Variants in FRK observed in about 807,000 individuals in gnomAD.
FRK encodes fyn related Src family tyrosine kinase, also known as tyrosine-protein kinase FRK.
FRK carries 51 observed loss-of-function variants against 56.4 expected under a neutral mutation model. That is an observed-to-expected ratio of 0.90 (90% CI 0.72 to 1.14). FRK has a LOEUF of 1.14. Ranked by LOEUF, FRK falls within the 50% of genes most tolerant of loss-of-function variation. The pLI is 0.00. For synonymous variants in FRK, 245 were observed against 217.9 expected, an observed-to-expected ratio of 1.12 and a Z score of -1.10; for missense variants, 570 against 601.4, an observed-to-expected ratio of 0.95 and a Z score of 0.55.
Position 115,981,390 on chromosome 6 carries a change from G to A in FRK, c.467-12651C>T, listed in dbSNP as rs1031714258. On this transcript the variant is annotated intron_variant, in intron 2 of 7. Coordinates refer to ENST00000606080, the MANE Select transcript of FRK (RefSeq NM_002031.3). ...TACACCGTTAGTTGTTTTCAGAGCT[G>A]GAATCTAAGTCTAGCCATATGAGTG... 3.8e-4 allele frequency among the ~76,000 whole-genome samples: 57 copies of A among 151,846 alleles called. 2 individuals are homozygous for A. Among genetic ancestry groups the A allele is most frequent in the Admixed American group, 3.7e-3 (57 of 15,214 alleles).
At chr6:116,088,959 C>A in the FRK span, among the ~76,000 whole-genome samples, 1 of 152,168 alleles carries the variant, frequency 6.6e-6, no homozygotes, top group Non-Finnish European at 1.5e-5. Context: ...GAAATATGTT[C>A]ATATTTGGCA....
chr6:115,981,317 AT>A, intron 2 of FRK, among the ~76,000 whole-genome samples: 1 of 151,918 alleles, frequency 6.6e-6, no homozygotes. Context: ...AGATGGTTTA[AT>A]TTTTTTTCTT....
At chr6:115,986,871 G>A (rs1200358154) in intron 2 of FRK, among the ~76,000 whole-genome samples, 1 of 152,060 alleles carries the variant, frequency 6.6e-6, no homozygotes, top group Non-Finnish European at 1.5e-5. Context: ...TCTGCTCTGT[G>A]GGCATCCCTT....
At chr6:116,096,917 A>C in the FRK span, among the ~76,000 whole-genome samples, 1 of 152,202 alleles carries the variant, frequency 6.6e-6, no homozygotes, top group Non-Finnish European at 1.5e-5. Context: ...AAAGTCAGTG[A>C]GACCAAGAAC....
At chr6:116,073,912 G>A in the FRK span, among the ~76,000 whole-genome samples, 1 of 152,126 alleles carries the variant, frequency 6.6e-6, no homozygotes, top group Non-Finnish European at 1.5e-5. Context: ...TCTGGCTCCT[G>A]GCTGCTGCCA....
intron 1 of FRK, among the ~76,000 whole-genome samples, chr6:116,034,062 G>A (rs1776385755): frequency 1.3e-5 from 2 of 152,126 alleles, no homozygotes; most frequent in African/African-American, 4.8e-5. Context: ...TGTTGACAGA[G>A]CTGGGGTAAC....
At chr6:115,988,135 A>G (rs1346423038) in intron 2 of FRK, among the ~76,000 whole-genome samples, 1 of 152,100 alleles carries the variant, frequency 6.6e-6, no homozygotes, top group African/African-American at 2.4e-5. Context: ...ATTTTCTAAT[A>G]ATATAATGCA....
chr6:116,073,756 T>C, the FRK span, among the ~76,000 whole-genome samples: 1 of 152,198 alleles, frequency 6.6e-6, no homozygotes, highest in Non-Finnish European at 1.5e-5. Context: ...TAAAATGTGC[T>C]CATAAGTATT....
chr6:115,989,063 C>T (rs1318505107), intron 2 of FRK, among the ~76,000 whole-genome samples: 4 of 151,740 alleles, frequency 2.6e-5, no homozygotes, highest in Admixed American at 1.3e-4. Flanking sequence ...CATGATATCT[C>T]GGTCTGAGAA....
Position 115,942,560 on chromosome 6 carries a change from A to C in FRK, c.1372T>G (p.Cys458Gly), listed in dbSNP as rs772727266. The C allele has an allele frequency of 6.2e-7, 1 of 1,613,842 alleles. No individual in the cohort carries two copies. Among genetic ancestry groups the C allele is most frequent in the Admixed American group, 1.7e-5 (1 of 59,960 alleles). Reference sequence around the variant, plus strand: ...ATGATGTTGTAAAATTGCTGTGGACAGTTGGATGGTTGCGGAAGTCTATAG... The same window carrying C: ...ATGATGTTGTAAAATTGCTGTGGACCGTTGGATGGTTGCGGAAGTCTATAG... ...QNYRLPQPSN[C>G]PQQFYNIMLE... The change falls in exon 8 of 8, where the codon TGT becomes GGT. Residue 458 changes from cysteine to glycine, a missense_variant. Cys to Gly is a radical substitution (Grantham distance 159). Transcript: ENST00000606080.
the FRK span, among the ~76,000 whole-genome samples, chr6:116,075,457 A>T: frequency 2.7e-5 from 3 of 111,568 alleles, no homozygotes; most frequent in South Asian, 8.3e-4. Flanking sequence ...TAAGCTTAAG[A>T]GCTGGGGGAA....
chr6:116,039,896 G>A (rs1364551389), intron 1 of FRK, among the ~76,000 whole-genome samples: 1 of 150,454 alleles, frequency 6.6e-6, no homozygotes, highest in Non-Finnish European at 1.5e-5. Context: ...GCCTGTGTGT[G>A]CTGTGTATGT....
intron 2 of FRK, among the ~76,000 whole-genome samples, chr6:115,982,215 T>C (rs1774223933): frequency 6.6e-6 from 1 of 152,126 alleles, no homozygotes; most frequent in African/African-American, 2.4e-5. Flanking sequence ...CCTGCACTTG[T>C]ACATCACAGC....
chr6:115,968,020 T>A (rs1023585979), intron 3 of FRK, among the ~76,000 whole-genome samples: 1 of 152,140 alleles, frequency 6.6e-6, no homozygotes, highest in Non-Finnish European at 1.5e-5. Context: ...TTCGCCTAGC[T>A]AAATCCTCTC....
intron 2 of FRK, among the ~76,000 whole-genome samples, chr6:116,002,142 T>G (rs1437946102): frequency 1.3e-5 from 2 of 152,252 alleles, no homozygotes; most frequent in Admixed American, 1.3e-4. Context: ...AAGTTTTTTA[T>G]GTTTCTTTCA....
the FRK span, among the ~76,000 whole-genome samples, chr6:116,073,807 C>T: frequency 5.1e-4 from 77 of 152,242 alleles, no homozygotes; most frequent in African/African-American, 1.8e-3. Flanking sequence ...AAAGAATTAT[C>T]CAGAGTTGAC....
At chr6:116,055,430 T>A (rs1777352119) in intron 1 of FRK, among the ~76,000 whole-genome samples, 2 of 152,328 alleles carry the variant, frequency 1.3e-5, no homozygotes, top group African/African-American at 4.8e-5. Context: ...TTATCTACCT[T>A]TCACAGTAAT....
chr6:116,077,618 G>A, the FRK span, among the ~76,000 whole-genome samples: 1 of 152,100 alleles, frequency 6.6e-6, no homozygotes, highest in Non-Finnish European at 1.5e-5. Context: ...ATATTCATGT[G>A]TACATTACCT....
intron 1 of FRK, among the ~76,000 whole-genome samples, chr6:116,024,259 C>G (rs1775990466): frequency 6.6e-6 from 1 of 151,522 alleles, no homozygotes; most frequent in Admixed American, 6.6e-5. Context: ...CTTTTTCTTT[C>G]ATTTTTTTAA....
Sources: allele counts gnomAD v4.1 joint callset (sites outside exome capture counted in the v4.1 genomes callset), GRCh38; gene constraint gnomAD v4.1.1; transcripts MANE v1.5; gene names NCBI Gene and HGNC (gene_info 2026-07-23, HGNC 2026-07-21).